The following AGAP1 variants were observed in gnomAD, a reference collection of about 807,000 sequenced individuals.
The protein encoded by AGAP1 is ArfGAP with GTPase domain, ankyrin repeat and PH domain 1, also known as arf-GAP with GTPase, ANK repeat and PH domain-containing protein 1.
A neutral mutation model predicts 105.3 loss-of-function variants in AGAP1; 29 were observed. The observed-to-expected ratio is 0.28, with a 90% CI of 0.21 to 0.38. The LOEUF (loss-of-function observed/expected upper bound fraction) is 0.38, where lower values mean the gene tolerates loss of function less well. Ranked by LOEUF, AGAP1 falls within the 10% of genes least tolerant of loss-of-function variation. AGAP1 has a pLI of 1.00. For missense variants in AGAP1, 998 were observed against 1,165.1 expected, an observed-to-expected ratio of 0.86 and a Z score of 2.09; for synonymous variants, 509 against 485.9, an observed-to-expected ratio of 1.05 and a Z score of -0.63.
chr2:235,882,366 GA>G lies in AGAP1; in HGVS notation c.1051-976del. The G allele has an allele frequency of 6.9e-7, 1 of 1,443,126 alleles. No individual in the cohort carries two copies. Among genetic ancestry groups the G allele is most frequent in the South Asian group, 1.2e-5 (1 of 84,460 alleles). 89.4% of individuals were successfully genotyped at this position (1,443,126 alleles called of 1,614,324 possible). On this transcript the variant is annotated intron_variant, in intron 9 of 17. Transcript: ENST00000304032. The surrounding 1 kb of genome is among the most constrained non-coding windows in gnomAD (Gnocchi z 4.6). ...GGCAGGAAATCCTCCGGGCTCTTAG[GA>G]AATTTCACTCCGCTTCTGCCCAGTG... is the stretch of plus-strand genomic sequence containing the variant.
Position 235,688,522 on chromosome 2 carries a change from T to G in AGAP1, c.164-20657T>G, listed in dbSNP as rs182238855. ...GGGGTACTTTAGTATGCCCTGCAGA[T>G]GTAAGCTGCTTTCAGAAAAAGCCAG... is the stretch of plus-strand genomic sequence containing the variant. On this transcript the variant is annotated intron_variant, in intron 1 of 17. Transcript: ENST00000304032. 2.5e-3 allele frequency among the ~76,000 whole-genome samples: 386 copies of G among 152,290 alleles called. 5 individuals carry two copies. Among genetic ancestry groups the G allele is most frequent in the African/African-American group, 8.7e-3 (360 of 41,556 alleles).
At chr2:235,841,804 T>G (rs1960882874) in intron 9 of AGAP1, among the ~76,000 whole-genome samples, 1 of 152,182 alleles carries the variant, frequency 6.6e-6, no homozygotes, top group Non-Finnish European at 1.5e-5. Flanking sequence ...TTTCCTTGGT[T>G]GTTGCTGAGA....
At chr2:235,675,248 G>A (rs1948671290) in intron 1 of AGAP1, among the ~76,000 whole-genome samples, 1 of 147,548 alleles carries the variant, frequency 6.8e-6, no homozygotes, top group Non-Finnish European at 1.5e-5. Flanking sequence ...GGAGTGCAGT[G>A]GCGCGATCTC....
At chr2:235,767,775 G>GTT (rs1955088255) in intron 6 of AGAP1, among the ~76,000 whole-genome samples, 3 of 106,130 alleles carry the variant, frequency 2.8e-5, no homozygotes, top group African/African-American at 1.0e-4. Context: ...CCAGTTTCTT[G>GTT]TCTTTTTTTT....
intron 2 of AGAP1, among the ~76,000 whole-genome samples, chr2:235,709,991 T>A (rs1454260478): frequency 1.3e-5 from 2 of 152,230 alleles, no homozygotes; most frequent in African/African-American, 4.8e-5. Context: ...ATGTTTATAT[T>A]TATGTAGGTA....
chr2:235,927,504 C>T lies in AGAP1; in HGVS notation c.1325-3261C>T, dbSNP rs545276491. The stretch of plus-strand genomic sequence containing the variant: ...GTGTGTAGGCTTGAAGGAATCTCTC[C>T]CTTCCTTTTTGGCAGTGTGATGTTT... On this transcript the variant is annotated intron_variant, in intron 11 of 17. Coordinates refer to ENST00000304032, the MANE Select transcript of AGAP1 (RefSeq NM_001037131.3). This position sits in a 1 kb window ranked among gnomAD's most constrained non-coding sequence, Gnocchi z 4.4. 8.5e-5 allele frequency among the ~76,000 whole-genome samples: 13 copies of T among 152,280 alleles called. No homozygotes were observed. The highest frequency in any genetic ancestry group is 2.9e-4 in the African/African-American group (12 of 41,554).
Position 235,962,546 on chromosome 2 carries a change from G to A in AGAP1, c.1484-5916G>A, listed in dbSNP as rs73118038. On this transcript the variant is annotated intron_variant, in intron 12 of 17. Coordinates refer to ENST00000304032, the MANE Select transcript of AGAP1 (RefSeq NM_001037131.3). The surrounding 1 kb of genome is among the most constrained non-coding windows in gnomAD (Gnocchi z 5.3). ...TGGGGAGGCAGGGGTGGGGGTGGCA[G>A]TTAGACCCTAGAAACTGTGGTTCTT... Among the ~76,000 whole-genome samples the A allele has an allele frequency of 0.019, 2,930 of 152,192 alleles. 91 individuals carry two copies. The highest frequency in any genetic ancestry group is 0.067 in the African/African-American group (2,779 of 41,520).
Position 235,659,380 on chromosome 2 carries a change from G to A in AGAP1, c.164-49799G>A, listed in dbSNP as rs186497227. 8.2e-4 allele frequency among the ~76,000 whole-genome samples: 125 copies of A among 152,348 alleles called. No individual in the cohort carries two copies. Among genetic ancestry groups the A allele is most frequent in the South Asian group, 3.9e-3 (19 of 4,834 alleles). ...ACAGTGTTGTATCTGAGTGAGTAGC[G>A]TCCTCCTTAAGCATTGGCTTTGGTG... On this transcript the variant is annotated intron_variant, in intron 1 of 17. Coordinates refer to ENST00000304032, the MANE Select transcript of AGAP1 (RefSeq NM_001037131.3). This position sits in a 1 kb window ranked among gnomAD's most constrained non-coding sequence, Gnocchi z 5.0.
chr2:235,977,574 GCT>G lies in AGAP1; in HGVS notation c.1645+8954_1645+8955del, dbSNP rs1386778487. ...CTCTGCAGCCCTCAGATGTTCCCAC[GCT>G]CTGTTAGACACATGCGGCCTGGGCT... On this transcript the variant is annotated intron_variant, in intron 13 of 17. Coordinates refer to ENST00000304032, the MANE Select transcript of AGAP1 (RefSeq NM_001037131.3). The surrounding 1 kb of genome is among the most constrained non-coding windows in gnomAD (Gnocchi z 5.2). Among the ~76,000 whole-genome samples the G allele has an allele frequency of 6.6e-6, 1 of 152,088 alleles. No individual in the cohort carries two copies. Among genetic ancestry groups the G allele is most frequent in the Non-Finnish European group, 1.5e-5 (1 of 68,026 alleles).
intron 9 of AGAP1, among the ~76,000 whole-genome samples, chr2:235,878,322 A>C (rs1340945032): frequency 6.6e-6 from 1 of 152,204 alleles, no homozygotes; most frequent in Non-Finnish European, 1.5e-5. Context: ...GCCATCACAC[A>C]CAAGTCCAGT....
At chr2:235,763,992 G>GTGCA (rs1954690360) in intron 6 of AGAP1, among the ~76,000 whole-genome samples, 5 of 148,008 alleles carry the variant, frequency 3.4e-5, no homozygotes, top group African/African-American at 1.2e-4. Flanking sequence ...ATCTGTGTGT[G>GTGCA]GCTGTGATCC....
At chr2:236,102,175 TG>T (rs1335705393) in intron 16 of AGAP1, among the ~76,000 whole-genome samples, 3 of 151,958 alleles carry the variant, frequency 2.0e-5, no homozygotes, top group Non-Finnish European at 4.4e-5. Flanking sequence ...CCCAGCACTT[TG>T]GGAGGCCAAG....
chr2:235,608,912 C>T lies in AGAP1; in HGVS notation c.164-100267C>T, dbSNP rs1299682254. ...GTAAAACCTTTCAGCTTGTTCTTGA[C>T]TTCCCCCCCATCCCTAATACCCCCA... On this transcript the variant is annotated intron_variant, in intron 1 of 17. Transcript: ENST00000304032. This position sits in a 1 kb window ranked among gnomAD's most constrained non-coding sequence, Gnocchi z 5.4. Among the ~76,000 whole-genome samples the T allele has an allele frequency of 5.3e-5, 8 of 152,096 alleles. No homozygotes were observed. The East Asian group carries it at 1.5e-3, about 29-fold the overall frequency.
chr2:235,743,098 A>C (rs1302806616), intron 4 of AGAP1, among the ~76,000 whole-genome samples: 2 of 152,184 alleles, frequency 1.3e-5, no homozygotes, highest in Admixed American at 1.3e-4. Flanking sequence ...ACCCAGAAGG[A>C]GGTGGTTGCA....
At chr2:235,791,616 C>T (rs1259426759) in intron 6 of AGAP1, among the ~76,000 whole-genome samples, 2 of 152,078 alleles carry the variant, frequency 1.3e-5, no homozygotes, top group South Asian at 2.1e-4. Context: ...TCTTGGCTCA[C>T]GGCTCACTGC....
At chr2:235,534,502 G>A (rs992307612) in intron 1 of AGAP1, among the ~76,000 whole-genome samples, 2 of 152,136 alleles carry the variant, frequency 1.3e-5, no homozygotes, top group Non-Finnish European at 2.9e-5. Flanking sequence ...TTTTGGAGGT[G>A]CACATTTGGT....
At position 236,123,801 on chromosome 2, in the gene AGAP1, T is replaced by C. The variant is rs2059957663; in HGVS notation, c.2371-118T>C. ...ATGGTCCTGGCACCCCAGCCAGTTG[T>C]GTAGCTGGCCCCGCTGTCCAAGCAC... On this transcript the variant is annotated intron_variant, in intron 17 of 17. Coordinates refer to ENST00000304032, the MANE Select transcript of AGAP1 (RefSeq NM_001037131.3). The surrounding 1 kb of genome is among the most constrained non-coding windows in gnomAD (Gnocchi z 4.6). 7.9e-7 allele frequency: 1 copy of C among 1,271,536 alleles called. No homozygotes were observed. Among genetic ancestry groups the C allele is most frequent in the African/African-American group, 1.5e-5 (1 of 68,024 alleles). 78.8% of individuals were successfully genotyped at this position (1,271,536 alleles called of 1,614,324 possible). A position where few individuals can be genotyped will look rare whatever the true frequency, so the allele number is the denominator to read the frequency against.
intron 9 of AGAP1, among the ~76,000 whole-genome samples, chr2:235,870,356 A>G (rs1032186680): frequency 6.6e-6 from 1 of 152,170 alleles, no homozygotes; most frequent in African/African-American, 2.4e-5. Context: ...TATTCTAAAA[A>G]GGTGGAGAGG....
At chr2:235,504,609 T>C (rs1941712714) in intron 1 of AGAP1, among the ~76,000 whole-genome samples, 1 of 152,128 alleles carries the variant, frequency 6.6e-6, no homozygotes, top group Non-Finnish European at 1.5e-5. Context: ...GGTGCCCATA[T>C]GGCCTCATTT....
Sources: gnomAD v4.1 joint callset for allele counts (sites outside exome capture counted in the v4.1 genomes callset) on GRCh38, gnomAD v4.1.1 for gene constraint, Gnocchi (gnomAD v3.1) non-coding constraint, MANE v1.5 for transcripts, NCBI Gene and HGNC (gene_info 2026-07-23, HGNC 2026-07-21) for gene names.